Variants in PHACTR3 observed in about 807,000 individuals in gnomAD.
The protein encoded by PHACTR3 is protein phosphatase 1, regulatory subunit 123.
Under a neutral mutation model 66.8 loss-of-function variants are expected in PHACTR3, and 16 were observed. The observed-to-expected ratio is 0.24, with a 90% confidence interval of 0.16 to 0.36. PHACTR3 has a LOEUF of 0.36. Ranked by LOEUF, PHACTR3 falls within the 10% of genes least tolerant of loss-of-function variation. The pLI, the probability that PHACTR3 is intolerant of heterozygous loss-of-function variation, is 1.00. For missense variants in PHACTR3, 647 were observed against 719.9 expected, an observed-to-expected ratio of 0.90 and a Z score of 1.16; for synonymous variants, 323 against 292.1, an observed-to-expected ratio of 1.11 and a Z score of -1.08.
At chr20:59,826,971 C>T (rs2042210654) in intron 8 of PHACTR3, among the ~76,000 whole-genome samples, 1 of 152,106 alleles carries the variant, frequency 6.6e-6, no homozygotes, top group Non-Finnish European at 1.5e-5. Context: ...TGAATCCTTC[C>T]CTCTCCCTGC....
At chr20:59,589,339 G>T (rs888716944) in intron 1 of PHACTR3, among the ~76,000 whole-genome samples, 1 of 152,204 alleles carries the variant, frequency 6.6e-6, no homozygotes, top group Non-Finnish European at 1.5e-5. Context: ...TTCAGTGTGC[G>T]CATGGGTTTT....
chr20:59,739,541 G>C (rs2039075677), intron 1 of PHACTR3, among the ~76,000 whole-genome samples: 1 of 152,152 alleles, frequency 6.6e-6, no homozygotes, highest in Non-Finnish European at 1.5e-5. Context: ...GGAAGGAGAA[G>C]TGCAGGGCGA....
At chr20:59,840,454 G>A (rs764361814) in intron 10 of PHACTR3, 24 bp downstream of exon 10, 5 of 1,611,602 alleles carry the variant, frequency 3.1e-6, no homozygotes, top group Middle Eastern at 1.7e-4. Flanking sequence ...TTTATTGCCT[G>A]AATAATAAAA....
At chr20:59,709,544 G>A (rs952542349) in intron 1 of PHACTR3, among the ~76,000 whole-genome samples, 6 of 152,094 alleles carry the variant, frequency 3.9e-5, no homozygotes, top group African/African-American at 1.4e-4. Flanking sequence ...GCCAGACCCT[G>A]TTATCTGCAT....
intron 7 of PHACTR3, among the ~76,000 whole-genome samples, chr20:59,781,708 C>T (rs1446309331): frequency 6.6e-6 from 1 of 152,100 alleles, no homozygotes; most frequent in African/African-American, 2.4e-5. Flanking sequence ...AATATACATG[C>T]AAGATAGTAA....
At chr20:59,653,970 G>A (rs1046412650) in intron 1 of PHACTR3, among the ~76,000 whole-genome samples, 1 of 152,094 alleles carries the variant, frequency 6.6e-6, no homozygotes, top group South Asian at 2.1e-4. Flanking sequence ...ACTGCTTCCT[G>A]GTCTAGGATA....
chr20:59,666,339 C>T (rs141698802), intron 1 of PHACTR3, among the ~76,000 whole-genome samples: 1,634 of 152,294 alleles, frequency 0.011, 85 homozygotes, highest in Admixed American at 0.091. Context: ...CTGCCTAAAC[C>T]AGGCCACTGG....
intron 7 of PHACTR3, among the ~76,000 whole-genome samples, chr20:59,804,644 C>G (rs1157495851): frequency 6.6e-6 from 1 of 152,228 alleles, no homozygotes; most frequent in Non-Finnish European, 1.5e-5. Flanking sequence ...AAATACAAGA[C>G]TGCAGTCATT....
intron 3 of PHACTR3, 34 bp from the exon 4 acceptor site, chr20:59,755,148 T>C (rs781514372): frequency 6.3e-7 from 1 of 1,594,636 alleles, no homozygotes; most frequent in South Asian, 1.1e-5. Flanking sequence ...GGAAGGGAGG[T>C]GCAGGCCCAG....
At chr20:59,678,234 C>A (rs6100549) in intron 1 of PHACTR3, among the ~76,000 whole-genome samples, 1 of 151,944 alleles carries the variant, frequency 6.6e-6, no homozygotes, top group Non-Finnish European at 1.5e-5. Flanking sequence ...ACCTTCAGCC[C>A]GTGGCTTACA....
At chr20:59,611,625 C>T (rs1303944091) in intron 1 of PHACTR3, among the ~76,000 whole-genome samples, 1 of 152,162 alleles carries the variant, frequency 6.6e-6, no homozygotes, top group Non-Finnish European at 1.5e-5. Flanking sequence ...GGATTTTGGG[C>T]CCCTGGCTCT....
chr20:59,589,689 C>T lies in PHACTR3; in HGVS notation c.109+12072C>T, dbSNP rs184793414. Among the ~76,000 whole-genome samples the T allele has an allele frequency of 2.7e-3, 405 of 152,226 alleles. 4 individuals carry two copies. The highest frequency in any genetic ancestry group is 7.9e-3 in the Admixed American group (121 of 15,288). On this transcript the variant is annotated intron_variant, in intron 1 of 12. Coordinates refer to the PHACTR3 transcript ENST00000359926. The stretch of plus-strand genomic sequence containing the variant: ...AAACAACTCTCTTAAGTATATAAAT[C>T]CAGTAAACATAGGAAACGTCCACAT...
At chr20:59,599,568 C>A (rs1426065633), upstream of PHACTR3, among the ~76,000 whole-genome samples, 1 of 152,140 alleles carries the variant, frequency 6.6e-6, no homozygotes, top group East Asian at 1.9e-4. Context: ...CTCTTTGCTG[C>A]CTCCTCCCTC....
At chr20:59,714,745 A>T (rs1310776513) in intron 1 of PHACTR3, among the ~76,000 whole-genome samples, 11 of 152,254 alleles carry the variant, frequency 7.2e-5, no homozygotes, top group Admixed American at 6.5e-4. Context: ...TTGGAATTAC[A>T]TTGAACTTGT....
intron 4 of PHACTR3, among the ~76,000 whole-genome samples, chr20:59,766,118 C>T (rs1262200561): frequency 3.3e-5 from 5 of 152,292 alleles, no homozygotes; most frequent in South Asian, 2.1e-4. Flanking sequence ...GGTCTGATGA[C>T]CTCAGTTTCC....
intron 1 of PHACTR3, among the ~76,000 whole-genome samples, chr20:59,698,917 G>A (rs2037394067): frequency 6.6e-6 from 1 of 152,140 alleles, no homozygotes; most frequent in Non-Finnish European, 1.5e-5. Flanking sequence ...CTGAGCCACA[G>A]GATGTTGAAA....
At chr20:59,577,623 C>T (rs1214573814) in intron 1 of PHACTR3, 1 of 1,208,118 alleles carries the variant, frequency 8.3e-7, no homozygotes, top group Non-Finnish European at 1.0e-6. Context: ...GCAAGGTAAG[C>T]GCGCGCTGCG....
At chr20:59,711,118 A>G (rs1272036551) in intron 1 of PHACTR3, among the ~76,000 whole-genome samples, 2 of 152,186 alleles carry the variant, frequency 1.3e-5, no homozygotes, top group Non-Finnish European at 2.9e-5. Context: ...TTTTAAATAT[A>G]GCATGTGTCT....
chr20:59,774,378 T>A lies in PHACTR3; in HGVS notation c.1062T>A (p.Thr354=). 6.2e-7 allele frequency: 1 copy of A among 1,614,164 alleles called. No individual in the cohort carries two copies. The highest frequency in any genetic ancestry group is 1.1e-5 in the South Asian group (1 of 91,076). The change falls in exon 7 of 13, where the codon ACT becomes ACA. Residue 354 remains threonine, a synonymous_variant. Transcript: ENST00000371015. ...SFDGALENKR[T]AAKESEENKE... ...ACGGGGCATTGGAGAACAAGCGAAC[T>A]GCCGCTAAGGAATCTGAGGAGAACA...
Sources: allele counts gnomAD v4.1 joint callset (sites outside exome capture counted in the v4.1 genomes callset), GRCh38; gene constraint gnomAD v4.1.1; transcripts MANE v1.5; gene names NCBI Gene and HGNC (gene_info 2026-07-23, HGNC 2026-07-21).